PIBF1: variants seen among roughly 807,000 people sequenced by gnomAD.
PIBF1 encodes the protein progesterone immunomodulatory binding factor 1.
A neutral mutation model predicts 112.5 loss-of-function variants in PIBF1; 90 were observed. That is an observed-to-expected ratio of 0.80 (90% CI 0.67 to 0.95). The LOEUF is 0.95. Among genes scored for constraint, PIBF1 ranks in the 40% least tolerant of loss-of-function variants. The pLI is 0.00. For missense variants in PIBF1, 915 were observed against 852.3 expected (o/e 1.07, Z -0.92); for synonymous variants, 301 against 288.6 (o/e 1.04, Z -0.44).
chr13:72,871,241 T>C (rs1340471649), intron 10 of PIBF1, among the ~76,000 whole-genome samples: 1 of 152,196 alleles, frequency 6.6e-6, no homozygotes, highest in Non-Finnish European at 1.5e-5. Flanking sequence ...TTAGATCATA[T>C]TCCAAAATAT....
intron 13 of PIBF1, among the ~76,000 whole-genome samples, chr13:72,926,826 C>T (rs563140392): frequency 6.6e-6 from 1 of 152,252 alleles, no homozygotes; most frequent in East Asian, 1.9e-4. Context: ...CTTTTCTTAG[C>T]ATTTAGCATA....
At chr13:72,932,739 T>C (rs1343655209) in intron 14 of PIBF1, among the ~76,000 whole-genome samples, 3 of 152,206 alleles carry the variant, frequency 2.0e-5, no homozygotes, top group Non-Finnish European at 4.4e-5. Flanking sequence ...TAATTTTAAA[T>C]TGACAAATTT....
At chr13:72,811,018 G>T (rs933364167) in intron 5 of PIBF1, among the ~76,000 whole-genome samples, 1 of 151,944 alleles carries the variant, frequency 6.6e-6, no homozygotes. Context: ...TGCCACTCCC[G>T]GCTAATTTTT....
chr13:72,868,902 G>A (rs568506984), intron 10 of PIBF1, among the ~76,000 whole-genome samples: 3 of 149,250 alleles, frequency 2.0e-5, no homozygotes, highest in Admixed American at 1.3e-4. Context: ...TAAATATTAA[G>A]CATTCCACTT....
At chr13:72,938,639 ACATTT>A (rs1174733305) in intron 14 of PIBF1, among the ~76,000 whole-genome samples, 2 of 152,178 alleles carry the variant, frequency 1.3e-5, no homozygotes, top group African/African-American at 4.8e-5. Context: ...GCTGCTGTGA[ACATTT>A]CATGTTCAAA....
At chr13:72,889,009 G>A (rs1490337739) in intron 10 of PIBF1, among the ~76,000 whole-genome samples, 5 of 151,856 alleles carry the variant, frequency 3.3e-5, no homozygotes, top group African/African-American at 1.2e-4. Context: ...ACACCAGCCT[G>A]GGCGACATAG....
At chr13:72,825,319 A>C (rs1303295644) in intron 6 of PIBF1, among the ~76,000 whole-genome samples, 2 of 152,238 alleles carry the variant, frequency 1.3e-5, no homozygotes, top group Non-Finnish European at 2.9e-5. Context: ...GACTATCTTT[A>C]ATCTTAGTAA....
chr13:72,832,071 CCTTTTTTTTTTTTT>C (rs1314295190), intron 8 of PIBF1, among the ~76,000 whole-genome samples: 8 of 59,492 alleles, frequency 1.3e-4, no homozygotes, highest in East Asian at 6.1e-4. Context: ...GCAATTCCGG[CCTTTTTTTTTTTTT>C]TTTTTTTTTT....
intron 11 of PIBF1, among the ~76,000 whole-genome samples, chr13:72,904,433 C>CTTTTTTTTTT (rs71099767): frequency 0.013 from 463 of 36,530 alleles, 124 homozygotes; most frequent in African/African-American, 0.032. Flanking sequence ...CAAAATATTT[C>CTTTTTTTTTT]TTTTTTTTTT....
intron 11 of PIBF1, among the ~76,000 whole-genome samples, chr13:72,898,835 C>G (rs990886986): frequency 7.0e-6 from 1 of 142,930 alleles, no homozygotes; most frequent in Non-Finnish European, 1.5e-5. Context: ...GCAACAAGAG[C>G]GAAACTCCAT....
chr13:72,996,335 A>G (rs1170465352), intron 16 of PIBF1, among the ~76,000 whole-genome samples: 1 of 152,084 alleles, frequency 6.6e-6, no homozygotes, highest in South Asian at 2.1e-4. Context: ...ACAAACCCTT[A>G]TCAGACTGGC....
At chr13:72,881,092 GA>G (rs1247121359) in intron 10 of PIBF1, 6 of 72,380 alleles carry the variant, frequency 8.3e-5, no homozygotes, top group Non-Finnish European at 1.6e-4. Flanking sequence ...TAGATGATAG[GA>G]TTTTTTTTTT....
At chr13:72,949,300 C>CTTTT (rs71099771) in intron 14 of PIBF1, among the ~76,000 whole-genome samples, 735 of 55,020 alleles carry the variant, frequency 0.013, 61 homozygotes, top group Non-Finnish European at 0.018. Context: ...AAATAGCTGT[C>CTTTT]TTTTTTTTTT....
chr13:73,015,684 C>T (rs1284356138), intron 17 of PIBF1, among the ~76,000 whole-genome samples, 185 bp from the exon 18 acceptor site: 1 of 152,080 alleles, frequency 6.6e-6, no homozygotes, highest in Non-Finnish European at 1.5e-5. Flanking sequence ...ATATACCTAC[C>T]AGGTGGGAGA....
At chr13:72,977,212 T>A (rs2043044545) in intron 16 of PIBF1, among the ~76,000 whole-genome samples, 1 of 152,088 alleles carries the variant, frequency 6.6e-6, no homozygotes, top group African/African-American at 2.4e-5. Flanking sequence ...TGTTTTGTCT[T>A]GTTTTGTTTT....
At chr13:72,926,004 A>G (rs1020735861) in intron 13 of PIBF1, among the ~76,000 whole-genome samples, 1 of 152,014 alleles carries the variant, frequency 6.6e-6, no homozygotes, top group Non-Finnish European at 1.5e-5. Flanking sequence ...TGCTAAATCT[A>G]ATTTTGTGAG....
intron 11 of PIBF1, among the ~76,000 whole-genome samples, chr13:72,904,150 C>T (rs1435792518): frequency 6.6e-6 from 1 of 151,498 alleles, no homozygotes; most frequent in Non-Finnish European, 1.5e-5. Context: ...TAAACTCAAG[C>T]ATTTTAATCT....
rs948449747 is a variant in PIBF1 at position 72,810,647 on chromosome 13, C to T, written c.673-11202C>T. Among the ~76,000 whole-genome samples, 3 of 151,828 alleles carry T rather than the reference C, an allele frequency of 2.0e-5. No individual in the cohort carries two copies. In the East Asian group the frequency reaches 5.8e-4, roughly 29 times the overall value. ...TTCTGAGATTTCTTTTTATCTTATC[C>T]AAGTGATGAGCTTAAAGTTTCTTTG... On this transcript the variant is annotated intron_variant, in intron 5 of 17. Transcript: ENST00000326291.
intron 5 of PIBF1, among the ~76,000 whole-genome samples, chr13:72,806,909 C>G (rs2035762313): frequency 6.6e-6 from 1 of 151,388 alleles, no homozygotes; most frequent in African/African-American, 2.4e-5. Flanking sequence ...GATGGTATTT[C>G]TAGTTCTAGA....
Sources: gnomAD v4.1 joint callset for allele counts (sites outside exome capture counted in the v4.1 genomes callset) on GRCh38, gnomAD v4.1.1 for gene constraint, MANE v1.5 for transcripts, NCBI Gene and HGNC (gene_info 2026-07-23, HGNC 2026-07-21) for gene names.